Variants in LRRC4C observed in about 807,000 individuals in gnomAD.
LRRC4C encodes leucine rich repeat containing 4C.
A neutral mutation model predicts 33.6 loss-of-function variants in LRRC4C; 5 were observed. The observed-to-expected ratio is 0.15, with a 90% CI of 0.08 to 0.31. The LOEUF is 0.31. Among genes scored for constraint, LRRC4C ranks in the 10% least tolerant of loss-of-function variants. The pLI is 1.00. For synonymous variants in LRRC4C, 329 were observed against 302.0 expected (o/e 1.09, Z -0.93); for missense variants, 560 against 796.7 (o/e 0.70, Z 3.58).
chr11:40,547,465 A>G (rs551726456), intron 3 of LRRC4C, among the ~76,000 whole-genome samples: 3 of 152,216 alleles, frequency 2.0e-5, no homozygotes, highest in Admixed American at 6.6e-5. Flanking sequence ...CTGAACGAAT[A>G]TATCAGAGCT....
chr11:40,120,783 T>C (rs1334335235), intron 6 of LRRC4C, among the ~76,000 whole-genome samples: 2 of 152,144 alleles, frequency 1.3e-5, no homozygotes, highest in African/African-American at 4.8e-5. Flanking sequence ...CTTTTTAAAA[T>C]GTGAGGCAGT....
chr11:41,080,715 T>C (rs1939513466), intron 1 of LRRC4C, among the ~76,000 whole-genome samples: 1 of 152,174 alleles, frequency 6.6e-6, no homozygotes, highest in Non-Finnish European at 1.5e-5. Context: ...TATCACTATC[T>C]TTGATTAAGG....
intron 3 of LRRC4C, among the ~76,000 whole-genome samples, chr11:40,338,806 G>C (rs570247358): frequency 6.6e-6 from 1 of 152,044 alleles, no homozygotes; most frequent in Admixed American, 6.6e-5. Flanking sequence ...TAAAATTTGG[G>C]GGAGTCTGGT....
chr11:41,309,370 T>G (rs1199044802), intron 1 of LRRC4C, among the ~76,000 whole-genome samples: 1 of 152,192 alleles, frequency 6.6e-6, no homozygotes, highest in Non-Finnish European at 1.5e-5. Flanking sequence ...GTGAAGAAGA[T>G]AGCAGATGTT....
chr11:40,222,132 T>C (rs1590748850), intron 5 of LRRC4C, among the ~76,000 whole-genome samples: 1 of 152,156 alleles, frequency 6.6e-6, no homozygotes, highest in South Asian at 2.1e-4. Context: ...TGTAACTCCA[T>C]TGTATAGTAA....
At chr11:40,795,940 T>G (rs1813047474) in intron 2 of LRRC4C, among the ~76,000 whole-genome samples, 1 of 152,190 alleles carries the variant, frequency 6.6e-6, no homozygotes, top group Non-Finnish European at 1.5e-5. Flanking sequence ...CAAAGAGAAC[T>G]AATAATTGAG....
intron 1 of LRRC4C, among the ~76,000 whole-genome samples, chr11:41,068,388 C>T (rs1336308090): frequency 6.6e-6 from 1 of 151,698 alleles, no homozygotes; most frequent in Non-Finnish European, 1.5e-5. Context: ...GGGACTCCGT[C>T]CCCTCCCCCC....
At chr11:41,340,795 A>G (rs190100725) in intron 1 of LRRC4C, among the ~76,000 whole-genome samples, 9 of 152,360 alleles carry the variant, frequency 5.9e-5, no homozygotes, top group South Asian at 4.1e-4. Context: ...TAAGGAGAGT[A>G]CTTCACACAT....
chr11:40,315,833 C>T (rs898074912), intron 4 of LRRC4C, among the ~76,000 whole-genome samples: 1 of 151,952 alleles, frequency 6.6e-6, no homozygotes, highest in Non-Finnish European at 1.5e-5. Context: ...TATAAAAATG[C>T]TCCTTCTCTA....
chr11:40,825,240 TAA>T (rs1565104287), intron 2 of LRRC4C, among the ~76,000 whole-genome samples: 1 of 151,988 alleles, frequency 6.6e-6, no homozygotes, highest in Non-Finnish European at 1.5e-5. Flanking sequence ...AAATTCTACC[TAA>T]GTGTGTATAA....
At chr11:40,945,813 C>T (rs574158163) in intron 1 of LRRC4C, among the ~76,000 whole-genome samples, 1 of 152,254 alleles carries the variant, frequency 6.6e-6, no homozygotes, top group South Asian at 2.1e-4. Context: ...ACCATCAGAG[C>T]CTCCAAGTAA....
chr11:40,742,707 C>G (rs1362445260), intron 2 of LRRC4C, among the ~76,000 whole-genome samples: 1 of 151,888 alleles, frequency 6.6e-6, no homozygotes, highest in African/African-American at 2.4e-5. Context: ...TAATCTAGTA[C>G]TTGGGATCTG....
At chr11:40,351,111 T>A (rs1250491319) in intron 3 of LRRC4C, among the ~76,000 whole-genome samples, 3 of 152,172 alleles carry the variant, frequency 2.0e-5, no homozygotes, top group Non-Finnish European at 4.4e-5. Flanking sequence ...GGACTTCCAG[T>A]ACTATTTTCA....
At chr11:40,823,264 G>T (rs1952017823) in intron 2 of LRRC4C, among the ~76,000 whole-genome samples, 1 of 151,384 alleles carries the variant, frequency 6.6e-6, no homozygotes, top group African/African-American at 2.4e-5. Flanking sequence ...TATTATTTTG[G>T]GTTGGGTGAA....
intron 1 of LRRC4C, among the ~76,000 whole-genome samples, chr11:41,169,964 T>G (rs1467557481): frequency 6.6e-6 from 1 of 152,180 alleles, no homozygotes; most frequent in Non-Finnish European, 1.5e-5. Context: ...AAATATGAGA[T>G]GATTCTTTTT....
At chr11:40,440,533 C>A (rs1273873006) in intron 3 of LRRC4C, among the ~76,000 whole-genome samples, 1 of 152,084 alleles carries the variant, frequency 6.6e-6, no homozygotes, top group Non-Finnish European at 1.5e-5. Flanking sequence ...GAAATTATAT[C>A]ATTCTCTTGA....
rs189041366 is a variant in LRRC4C at position 40,194,984 on chromosome 11, C to T, written c.-96+46535G>A. 9.9e-5 allele frequency among the ~76,000 whole-genome samples: 15 copies of T among 151,482 alleles called. No homozygotes were observed. In the South Asian group the frequency reaches 2.5e-3, roughly 25 times the overall value. On this transcript the variant is annotated intron_variant, in intron 5 of 6. Coordinates refer to ENST00000528697, the MANE Select transcript of LRRC4C (RefSeq NM_001258419.2). ...CGGGAGCCTGTAGTCCCAGCTACTC[C>T]GGAGGCTGAGGTAGGAGAATTGCGT...
At chr11:40,685,392 A>G (rs1295343580) in intron 2 of LRRC4C, among the ~76,000 whole-genome samples, 1 of 152,094 alleles carries the variant, frequency 6.6e-6, no homozygotes, top group Non-Finnish European at 1.5e-5. Context: ...TGAATGGATA[A>G]GTAAAATATA....
At chr11:40,225,291 G>T (rs1250078867) in intron 5 of LRRC4C, among the ~76,000 whole-genome samples, 1 of 152,082 alleles carries the variant, frequency 6.6e-6, no homozygotes, top group Non-Finnish European at 1.5e-5. Flanking sequence ...AACTAATTAA[G>T]CTGACTCTGA....
Sources: allele counts gnomAD v4.1 joint callset (sites outside exome capture counted in the v4.1 genomes callset), GRCh38; gene constraint gnomAD v4.1.1; transcripts MANE v1.5; gene names NCBI Gene and HGNC (gene_info 2026-07-23, HGNC 2026-07-21).